Variants in DEPDC5 observed in about 807,000 individuals in gnomAD.
DEPDC5 encodes GATOR1 complex protein DEPDC5.
Under a neutral mutation model 217.3 loss-of-function variants are expected in DEPDC5, and 73 were observed. The ratio of observed to expected loss-of-function variants is 0.34; its 90% CI spans 0.28 to 0.41. The LOEUF is 0.41. Among genes scored for constraint, DEPDC5 ranks in the 10% least tolerant of loss-of-function variants. The pLI, the probability that DEPDC5 is intolerant of heterozygous loss-of-function variation, is 1.00. For synonymous variants in DEPDC5, 733 were observed against 756.7 expected, an observed-to-expected ratio of 0.97 and a Z score of 0.51; for missense variants, 1,675 against 2,070.1, an observed-to-expected ratio of 0.81 and a Z score of 3.70.
intron 40 of DEPDC5, among the ~76,000 whole-genome samples, chr22:31,899,748 T>C (rs936146444): frequency 1.3e-5 from 2 of 152,112 alleles, no homozygotes; most frequent in South Asian, 2.1e-4. Flanking sequence ...AAATTCCAAA[T>C]GTGGAAAGAT....
intron 25 of DEPDC5, among the ~76,000 whole-genome samples, chr22:31,834,582 T>C (rs1210177569): frequency 1.3e-5 from 2 of 151,764 alleles, no homozygotes; most frequent in Non-Finnish European, 2.9e-5. Flanking sequence ...AGTGACGTGA[T>C]CTCGGCTCAC....
At position 31,861,303 on chromosome 22, in the gene DEPDC5, G is replaced by A. The variant is rs185384558; in HGVS notation, c.3265-65G>A. 1.5e-5 allele frequency: 22 copies of A among 1,466,534 alleles called. No homozygotes were observed. The Admixed American group carries it at 2.0e-4, about 13-fold the overall frequency. The allele number at this position is 1,466,534 out of a possible 1,614,324, so 90.8% of individuals were successfully genotyped here. ...TCCTTCCCCTGATGGTTAACCACTG[G>A]TACACATTCCGTTTCTTCGCTTCCT... is the stretch of plus-strand genomic sequence containing the variant. On this transcript the variant is annotated intron_variant, in intron 32 of 42. Transcript: ENST00000651528.
chr22:31,755,918 G>A (rs1467968594), intron 2 of DEPDC5, among the ~76,000 whole-genome samples: 1 of 151,442 alleles, frequency 6.6e-6, no homozygotes, highest in Non-Finnish European at 1.5e-5. Context: ...CTGTCACCAG[G>A]CTGGAGTGCA....
In DEPDC5 at chr22:31,819,221, T is replaced by C. The variant is rs2089447272; in HGVS notation, c.1866T>C (p.Pro622=). 6.2e-7 allele frequency: 1 copy of C among 1,614,136 alleles called. No individual in the cohort carries two copies. The highest frequency in any genetic ancestry group is 8.5e-7 in the Non-Finnish European group (1 of 1,180,018). ...SNRRRWMHTF[P]VGPSGEAIQI... ...GAAGGCGCTGGATGCACACTTTTCC[T>C]GTGGGTAAGTTGGTTGCTTAAGAGA... is the stretch of plus-strand genomic sequence containing the variant. The change falls in exon 22 of 43, where the codon CCT becomes CCC. Residue 622 remains proline, a synonymous_variant. Coordinates refer to ENST00000651528, the MANE Select transcript of DEPDC5 (RefSeq NM_001242896.3).
chr22:31,877,133 T>C (rs2093015429), intron 37 of DEPDC5, among the ~76,000 whole-genome samples: 1 of 149,648 alleles, frequency 6.7e-6, no homozygotes, highest in Non-Finnish European at 1.5e-5. Flanking sequence ...ACAGTGAAAC[T>C]CCGTCTCAAA....
chr22:31,792,226 G>C (rs1361489493), intron 11 of DEPDC5, 124 bp downstream of exon 11: 1 of 702,892 alleles, frequency 1.4e-6, no homozygotes, highest in African/African-American at 1.8e-5. Context: ...TTCTGTTATG[G>C]GGACAGTGTA....
At chr22:31,763,066 C>T (rs945384593) in intron 4 of DEPDC5, among the ~76,000 whole-genome samples, 4 of 152,118 alleles carry the variant, frequency 2.6e-5, no homozygotes, top group African/African-American at 9.7e-5. Flanking sequence ...TCTCAGCTCA[C>T]TGCAACCTCC....
At chr22:31,828,376 C>T (rs1346119506) in intron 24 of DEPDC5, among the ~76,000 whole-genome samples, 2 of 146,534 alleles carry the variant, frequency 1.4e-5, no homozygotes, top group African/African-American at 2.6e-5. Context: ...GCTTTGAACC[C>T]GGGAGGCGGA....
In DEPDC5 at chr22:31,874,330, C is replaced by T. The variant is rs775057646; in HGVS notation, c.3621C>T (p.Ser1207=). The change falls in exon 36 of 43, where the codon AGC becomes AGT. Residue 1207 remains serine, a synonymous_variant. Transcript: ENST00000651528. The part of the protein sequence containing the change: ...QKGLSPYCFI[S]AEVVHWLVNH... The stretch of plus-strand genomic sequence containing the variant: ...GCCTCTCACCGTACTGCTTCATCAG[C>T]GCGGAGGTGGTACACTGGTTGGTGA... 3.2e-5 allele frequency: 52 copies of T among 1,610,016 alleles called. No homozygotes were observed. Among genetic ancestry groups the T allele is most frequent in the Admixed American group, 8.4e-5 (5 of 59,538 alleles).
At chr22:31,817,241 C>T (rs2148784950) in intron 21 of DEPDC5, among the ~76,000 whole-genome samples, 1 of 152,106 alleles carries the variant, frequency 6.6e-6, no homozygotes, top group East Asian at 1.9e-4. Flanking sequence ...TCCCGAGTAG[C>T]TGTGATCACA....
At chr22:31,776,835 A>G (rs905280349) in intron 7 of DEPDC5, among the ~76,000 whole-genome samples, 14 of 151,908 alleles carry the variant, frequency 9.2e-5, no homozygotes, top group Non-Finnish European at 1.9e-4. Context: ...TTGGCCTCCC[A>G]AAGTGCTGGG....
chr22:31,887,910 C>T (rs1004994720), intron 38 of DEPDC5, among the ~76,000 whole-genome samples: 1 of 151,908 alleles, frequency 6.6e-6, no homozygotes, highest in African/African-American at 2.4e-5. Flanking sequence ...GGTTTTTCTT[C>T]AGAAAAAAAA....
chr22:31,789,434 G>C (rs951412914), intron 10 of DEPDC5, among the ~76,000 whole-genome samples: 3 of 152,160 alleles, frequency 2.0e-5, no homozygotes, highest in Non-Finnish European at 4.4e-5. Flanking sequence ...GTCCAGAATA[G>C]GTAAATATAT....
At chr22:31,854,037 C>T (rs991181900) in intron 31 of DEPDC5, among the ~76,000 whole-genome samples, 2 of 152,206 alleles carry the variant, frequency 1.3e-5, no homozygotes, top group Non-Finnish European at 2.9e-5. Flanking sequence ...AAGGCCCACC[C>T]GGTGCATATG....
intron 24 of DEPDC5, among the ~76,000 whole-genome samples, chr22:31,832,323 A>G (rs2090663710): frequency 6.6e-6 from 1 of 152,338 alleles, no homozygotes; most frequent in East Asian, 1.9e-4. Context: ...TGCTGGGTCA[A>G]ATGGTAAATC....
At position 31,804,857 on chromosome 22, in the gene DEPDC5, G is replaced by C. The variant is rs370491360; in HGVS notation, c.1159G>C (p.Ala387Pro). Residue 387 changes from alanine (A) to proline (P), a missense_variant, in exon 17 of 43, where the codon GCT (alanine) becomes CCT (proline). By Grantham distance (27) the Ala-to-Pro change is conservative. Around this residue, in one of 11 missense-constraint regions of DEPDC5, gnomAD observed 628 missense variants for 762.1 expected, o/e 0.82. Coordinates refer to ENST00000651528, the MANE Select transcript of DEPDC5 (RefSeq NM_001242896.3). ...VPLFKLHNRS[A>P]PRDSRLGDDY... Reference sequence around the variant, plus strand: ...CTCCTTGCAGCTCCATAATCGGAGTGCTCCCCGTGATTCTCGTCTGGGCGA... The same window carrying C: ...CTCCTTGCAGCTCCATAATCGGAGTCCTCCCCGTGATTCTCGTCTGGGCGA... The C allele has an allele frequency of 2.5e-6, 4 of 1,613,798 alleles. No individual in the cohort carries two copies. The African/African-American group carries it at 4.0e-5, about 16-fold the overall frequency.
intron 7 of DEPDC5, among the ~76,000 whole-genome samples, chr22:31,774,475 A>G (rs536409492): frequency 3.4e-4 from 51 of 152,056 alleles, no homozygotes; most frequent in African/African-American, 1.1e-3. Flanking sequence ...ATGGGATTAC[A>G]GGCGTGAGCC....
rs746711231 is a variant in DEPDC5 at position 31,907,675 on chromosome 22, C to T, written c.*1178C>T. On this transcript the variant is annotated 3_prime_UTR_variant, in exon 43 of 43. Transcript: ENST00000651528. ...AAGTGCTGGGATTACAGGTGTGAGC[C>T]ACCATGCCCGGCCTAACTTAGATTT... is the stretch of plus-strand genomic sequence containing the variant. The T allele has an allele frequency of 6.6e-6, 1 of 152,520 alleles. No homozygotes were observed. Among genetic ancestry groups the T allele is most frequent in the Non-Finnish European group, 1.5e-5 (1 of 68,314 alleles). 9.4% of individuals were successfully genotyped at this position (152,520 alleles called of 1,614,324 possible). A position where few individuals can be genotyped will look rare whatever the true frequency, so the allele number is the denominator to read the frequency against.
intron 32 of DEPDC5, chr22:31,858,150 C>T (rs2092375385): frequency 6.6e-6 from 1 of 152,204 alleles, no homozygotes; most frequent in African/African-American, 2.4e-5. Context: ...TTTCCTTCAC[C>T]CTCATCTTTA....
Sources: gnomAD v4.1 joint callset for allele counts (sites outside exome capture counted in the v4.1 genomes callset) on GRCh38, gnomAD v4.1.1 for gene constraint, gnomAD v4.1.1 regional missense constraint, MANE v1.5 for transcripts, NCBI Gene and HGNC (gene_info 2026-07-23, HGNC 2026-07-21) for gene names.